HIPK3: variants seen among roughly 807,000 people sequenced by gnomAD.
The protein encoded by HIPK3 is homeodomain-interacting protein kinase 3.
A neutral mutation model predicts 124.2 loss-of-function variants in HIPK3; 47 were observed. The ratio of observed to expected loss-of-function variants is 0.38; its 90% CI spans 0.30 to 0.48. The LOEUF (loss-of-function observed/expected upper bound fraction) is 0.48, where lower values mean the gene tolerates loss of function less well. Among genes scored for constraint, HIPK3 ranks in the 20% least tolerant of loss-of-function variants. The probability of loss-of-function intolerance (pLI) is 0.98; values close to 1 mark genes in which losing one functional copy is unlikely to be tolerated. For missense variants in HIPK3, 1,286 were observed against 1,454.3 expected (o/e 0.88, Z 1.88); for synonymous variants, 482 against 515.2 (o/e 0.94, Z 0.87).
At chr11:33,333,296 G>T (rs182696715) in intron 3 of HIPK3, among the ~76,000 whole-genome samples, 1 of 152,222 alleles carries the variant, frequency 6.6e-6, no homozygotes, top group East Asian at 1.9e-4. Flanking sequence ...ACTGGTACTG[G>T]ACCATCAGTG....
At chr11:33,310,271 T>C (rs1274761845) in intron 2 of HIPK3, among the ~76,000 whole-genome samples, 5 of 53,696 alleles carry the variant, frequency 9.3e-5, no homozygotes, top group Non-Finnish European at 2.1e-4. Flanking sequence ...TGTCTGTCTG[T>C]CTGTCTATCT....
intron 9 of HIPK3, 59 bp downstream of exon 9, chr11:33,347,473 A>T: frequency 6.2e-7 from 1 of 1,605,752 alleles, no homozygotes; most frequent in Non-Finnish European, 8.5e-7. Context: ...AATAGTGAAA[A>T]TGACCTGGAT....
At chr11:33,320,754 T>A (rs758906348) in intron 2 of HIPK3, among the ~76,000 whole-genome samples, 1 of 152,220 alleles carries the variant, frequency 6.6e-6, no homozygotes, top group Non-Finnish European at 1.5e-5. Flanking sequence ...GACAGAATTG[T>A]CGTTTACTGA....
chr11:33,273,457 C>T (rs1307688931), intron 1 of HIPK3, among the ~76,000 whole-genome samples: 24 of 55,632 alleles, frequency 4.3e-4, no homozygotes, highest in African/African-American at 1.7e-3. Context: ...TGCAGTGAGC[C>T]GAGATCACGC....
At position 33,328,494 on chromosome 11, in the gene HIPK3, T is replaced by A. The variant is rs1221690713; in HGVS notation, c.1098-16T>A. ...AGAAAAACCACCCTGATTTTTGTTT[T>A]AATTTTAAATTTCAGAGCTCCAGAG... On this transcript the variant is annotated splice_polypyrimidine_tract_variant and intron_variant, in intron 2 of 16. Transcript: ENST00000303296. The A allele has an allele frequency of 3.7e-6, 6 of 1,606,536 alleles. No individual in the cohort carries two copies. The highest frequency in any genetic ancestry group is 1.3e-5 in the African/African-American group (1 of 74,632).
At chr11:33,311,711 A>T (rs1852342583) in intron 2 of HIPK3, among the ~76,000 whole-genome samples, 1 of 151,964 alleles carries the variant, frequency 6.6e-6, no homozygotes, top group Non-Finnish European at 1.5e-5. Context: ...TTTGTTTTTA[A>T]AGAGTTGAAG....
rs948100943 is a variant in HIPK3, at chr11:33,257,598, C to T, written c.-294C>T. 52 of 986,848 alleles carry T rather than the reference C, an allele frequency of 5.3e-5. No homozygotes were observed. The highest frequency in any genetic ancestry group is 6.0e-5 in the Non-Finnish European group (50 of 830,750). 61.1% of individuals were successfully genotyped at this position (986,848 alleles called of 1,614,324 possible). ...GGCCTCCCACTACCCCTCGCCCTAG[C>T]CAAGCCGTCCCCACCCCAAATCCCC... is the stretch of plus-strand genomic sequence containing the variant. On this transcript the variant is annotated 5_prime_UTR_variant, in exon 1 of 17. Coordinates refer to ENST00000303296, the MANE Select transcript of HIPK3 (RefSeq NM_005734.5).
Position 33,276,579 on chromosome 11 carries a change from C to G in HIPK3, c.-2-9834C>G, listed in dbSNP as rs1414605766. Among the ~76,000 whole-genome samples, 3 of 152,130 alleles carry G rather than the reference C, an allele frequency of 2.0e-5. No individual in the cohort carries two copies. The East Asian group carries it at 5.8e-4, about 29-fold the overall frequency. ...AGGCTTGTACGGACTGAACAGGTGA[C>G]TGCTTCACTTTGGTGTGGTTACCAA... On this transcript the variant is annotated intron_variant, in intron 1 of 16. Coordinates refer to ENST00000303296, the MANE Select transcript of HIPK3 (RefSeq NM_005734.5).
chr11:33,276,689 T>C (rs1851279058), intron 1 of HIPK3, among the ~76,000 whole-genome samples: 1 of 152,172 alleles, frequency 6.6e-6, no homozygotes, highest in Non-Finnish European at 1.5e-5. Context: ...CGTATTTTTG[T>C]AATTTTATTT....
At chr11:33,312,460 C>A (rs1004523199) in intron 2 of HIPK3, among the ~76,000 whole-genome samples, 1 of 152,214 alleles carries the variant, frequency 6.6e-6, no homozygotes, top group South Asian at 2.1e-4. Context: ...ATTTAAAATA[C>A]AGATTAAAAT....
At chr11:33,270,208 A>T (rs946682999) in intron 1 of HIPK3, among the ~76,000 whole-genome samples, 5 of 152,026 alleles carry the variant, frequency 3.3e-5, no homozygotes, top group African/African-American at 1.2e-4. Flanking sequence ...CAAACTCCTG[A>T]CCCTCAGGTG....
chr11:33,353,624 A>T lies in HIPK3; in HGVS notation c.*56A>T. On this transcript the variant is annotated 3_prime_UTR_variant, in exon 17 of 17. Coordinates refer to ENST00000303296, the MANE Select transcript of HIPK3 (RefSeq NM_005734.5). ...CAAACATTTGATTAAAAATAAAAAC[A>T]TGGTATTTAATATTAGCCATGGCAC... 8.6e-7 allele frequency: 1 copy of T among 1,156,210 alleles called. No individual in the cohort carries two copies. The highest frequency in any genetic ancestry group is 1.3e-6 in the Non-Finnish European group (1 of 785,222). The allele number at this position is 1,156,210 out of a possible 1,614,324, so 71.6% of individuals were successfully genotyped here.
chr11:33,312,102 C>T (rs1012020574), intron 2 of HIPK3, among the ~76,000 whole-genome samples: 3 of 152,286 alleles, frequency 2.0e-5, no homozygotes, highest in East Asian at 1.9e-4. Context: ...TCAAGCTATC[C>T]TTCTGCCTCA....
At chr11:33,317,527 A>G (rs1215550444) in intron 2 of HIPK3, among the ~76,000 whole-genome samples, 1 of 152,076 alleles carries the variant, frequency 6.6e-6, no homozygotes, top group East Asian at 1.9e-4. Flanking sequence ...TTGGCCTCCC[A>G]AAGAGTTGGG....
rs138907505 is a variant in HIPK3, at chr11:33,347,899, C to T, written c.2192C>T (p.Pro731Leu). 1 of 1,614,198 alleles carries T rather than the reference C, an allele frequency of 6.2e-7. No individual in the cohort carries two copies. Among genetic ancestry groups the T allele is most frequent in the South Asian group, 1.1e-5 (1 of 91,084 alleles). ...SNHYNSVMPQ[P>L]LLTNQITLSA... ...CATTATAACTCAGTGATGCCGCAGCCTCTTCTGACCAATCAGATAACTTTA... is the reference window on the plus strand; with the variant it reads ...CATTATAACTCAGTGATGCCGCAGCTTCTTCTGACCAATCAGATAACTTTA... Residue 731 changes from proline to leucine, a missense_variant, in exon 11 of 17, where the codon CCT (proline) becomes CTT (leucine). Around this residue, in one of 3 missense-constraint regions of HIPK3, gnomAD observed 810 missense variants for 864.9 expected, o/e 0.94. Coordinates refer to ENST00000303296, the MANE Select transcript of HIPK3 (RefSeq NM_005734.5).
intron 2 of HIPK3, among the ~76,000 whole-genome samples, chr11:33,305,657 C>T (rs892069404): frequency 6.6e-6 from 1 of 152,144 alleles, no homozygotes; most frequent in Non-Finnish European, 1.5e-5. Context: ...TTCCCACAAT[C>T]CTTCTCCAAG....
Position 33,348,739 on chromosome 11 carries a change from C to T in HIPK3, c.2587C>T (p.Pro863Ser). The T allele has an allele frequency of 1.2e-6, 2 of 1,614,136 alleles. No homozygotes were observed. Among genetic ancestry groups the T allele is most frequent in the African/African-American group, 1.3e-5 (1 of 75,042 alleles). The change falls in exon 13 of 17, where the codon CCG becomes TCG. Residue 863 changes from proline to serine, a missense_variant. Pro to Ser is a moderately conservative substitution (Grantham distance 74). Around this residue, in one of 3 missense-constraint regions of HIPK3, gnomAD observed 810 missense variants for 864.9 expected, o/e 0.94. Transcript: ENST00000303296. Reference protein sequence around the residue: ...QRQTIIIADSPSPAVSVITIS... With the variant: ...QRQTIIIADSSSPAVSVITIS... ...GCAAACCATCATTATTGCCGACTCC[C>T]CGAGTCCTGCAGTGAGTGTCATCAC...
upstream of HIPK3, chr11:33,257,309 C>A (rs2133852738): frequency 1.0e-6 from 1 of 983,356 alleles, no homozygotes; most frequent in Non-Finnish European, 1.2e-6. Flanking sequence ...CGCTGCCGGG[C>A]GGGCGGTGGC....
chr11:33,330,095 T>C (rs1387616497), intron 3 of HIPK3, among the ~76,000 whole-genome samples: 1 of 152,212 alleles, frequency 6.6e-6, no homozygotes, highest in Non-Finnish European at 1.5e-5. Context: ...TGAATTCACT[T>C]GTCAAAAGTC....
Sources: allele counts gnomAD v4.1 joint callset (sites outside exome capture counted in the v4.1 genomes callset), GRCh38; gene constraint gnomAD v4.1.1; regional missense constraint gnomAD v4.1.1; transcripts MANE v1.5; gene names NCBI Gene and HGNC (gene_info 2026-07-23, HGNC 2026-07-21).